The following STPG2 variants were observed in gnomAD, a reference collection of about 807,000 sequenced individuals.
The protein encoded by STPG2 is sperm-tail PG-rich repeat-containing protein 2.
In STPG2, 56 loss-of-function variants were observed where a neutral mutation model predicts 54.2. That is an observed-to-expected ratio of 1.03 (90% confidence interval 0.83 to 1.29). The LOEUF is 1.29. Among genes scored for constraint, STPG2 ranks in the 50% most tolerant of loss-of-function variants. The probability of loss-of-function intolerance (pLI) is 0.00; values close to 1 mark genes in which losing one functional copy is unlikely to be tolerated. For missense variants in STPG2, 596 were observed against 544.9 expected (o/e 1.09, Z -0.93); for synonymous variants, 200 against 181.8 (o/e 1.10, Z -0.81).
At chr4:97,649,559 G>A (rs1722007340) in intron 10 of STPG2, among the ~76,000 whole-genome samples, 1 of 152,128 alleles carries the variant, frequency 6.6e-6, no homozygotes, top group South Asian at 2.1e-4. Flanking sequence ...AGAGGGATTT[G>A]CTGGGCTTTG....
rs773320107 is a variant in STPG2, at chr4:97,840,847, A to T, written c.1130T>A (p.Leu377Ter). 6.2e-7 allele frequency: 1 copy of T among 1,612,220 alleles called. No homozygotes were observed. The highest frequency in any genetic ancestry group is 8.5e-7 in the Non-Finnish European group (1 of 1,178,688). Residue 377 changes from leucine (L) to a stop codon, truncating the protein, a stop_gained, in exon 9 of 11, where the codon TTA (leucine) becomes TAA (stop). Coordinates refer to ENST00000295268, the MANE Select transcript of STPG2 (RefSeq NM_174952.3). LOFTEE classifies it high-confidence loss of function. The stretch of plus-strand genomic sequence containing the variant: ...AGAGGCATGTTTTCTTTTAGCCACT[A>T]AACTACGAGGTGGCATATATTTATG... ...VKHKYMPPRS[L>*]VAKRKHASFL...
chr4:97,977,943 T>C (rs916707464), intron 6 of STPG2, among the ~76,000 whole-genome samples: 1 of 152,170 alleles, frequency 6.6e-6, no homozygotes, highest in African/African-American at 2.4e-5. Flanking sequence ...TGATAACTGG[T>C]ATTATGCAAT....
chr4:97,696,190 T>C (rs1057079248), intron 10 of STPG2, among the ~76,000 whole-genome samples: 2 of 151,988 alleles, frequency 1.3e-5, no homozygotes, highest in African/African-American at 4.8e-5. Context: ...GAAACATAAT[T>C]GAACATAATT....
chr4:97,476,676 T>A (rs887987522), intron 4 of STPG2, among the ~76,000 whole-genome samples: 4 of 152,182 alleles, frequency 2.6e-5, no homozygotes, highest in Non-Finnish European at 5.9e-5. Context: ...ATTGTTTTAA[T>A]GTGCTATCAA....
chr4:97,599,545 C>T (rs1421313422), intron 10 of STPG2, among the ~76,000 whole-genome samples: 3 of 152,146 alleles, frequency 2.0e-5, no homozygotes, highest in African/African-American at 4.8e-5. Context: ...ACATATAGGC[C>T]GGGTGCGGTG....
chr4:98,111,257 CA>C (rs953294835), intron 3 of STPG2, among the ~76,000 whole-genome samples: 1 of 151,840 alleles, frequency 6.6e-6, no homozygotes. Context: ...TTAACATCCC[CA>C]AAAAAACAGA....
chr4:97,709,504 T>TTG (rs58358305), intron 10 of STPG2, among the ~76,000 whole-genome samples: 88,779 of 150,918 alleles, frequency 0.59, 26,410 homozygotes, highest in South Asian at 0.68. Flanking sequence ...ATAAAATGAA[T>TTG]TGTTATTGAA....
chr4:97,849,297 G>A (rs1458013710), intron 8 of STPG2, among the ~76,000 whole-genome samples: 2 of 150,646 alleles, frequency 1.3e-5, no homozygotes, highest in African/African-American at 4.9e-5. Context: ...TTAAACGTTA[G>A]ACCTAAAACC....
intron 4 of STPG2, among the ~76,000 whole-genome samples, chr4:97,486,001 T>A (rs1730346698): frequency 6.6e-6 from 1 of 151,862 alleles, no homozygotes; most frequent in African/African-American, 2.4e-5. Flanking sequence ...TGTAGGAGAA[T>A]GAAAATGGAT....
At chr4:97,734,416 T>C (rs1455918413) in intron 9 of STPG2, among the ~76,000 whole-genome samples, 1 of 152,158 alleles carries the variant, frequency 6.6e-6, no homozygotes, top group Admixed American at 6.5e-5. Flanking sequence ...CTCTCCCTCC[T>C]CCCAACCTCC....
At chr4:98,001,925 C>T (rs1735425499) in intron 5 of STPG2, among the ~76,000 whole-genome samples, 3 of 152,104 alleles carry the variant, frequency 2.0e-5, no homozygotes, top group Admixed American at 1.3e-4. Flanking sequence ...AGATTCCCCA[C>T]TTAGCTCTTT....
At chr4:97,973,797 G>A (rs997669144) in intron 6 of STPG2, among the ~76,000 whole-genome samples, 2 of 152,220 alleles carry the variant, frequency 1.3e-5, no homozygotes, top group African/African-American at 2.4e-5. Context: ...GCTACGTATG[G>A]AAATTCCTGG....
At chr4:97,871,585 T>A (rs1729991450) in intron 8 of STPG2, among the ~76,000 whole-genome samples, 1 of 151,184 alleles carries the variant, frequency 6.6e-6, no homozygotes, top group Non-Finnish European at 1.5e-5. Flanking sequence ...AAAATACAGT[T>A]TACTAACATC....
intron 9 of STPG2, among the ~76,000 whole-genome samples, chr4:97,789,984 C>T (rs1208234302): frequency 1.3e-5 from 2 of 152,148 alleles, no homozygotes; most frequent in African/African-American, 2.4e-5. Context: ...TAAATGATGG[C>T]ACCTAATCCA....
At chr4:97,943,540 C>T (rs1023277933) in intron 8 of STPG2, among the ~76,000 whole-genome samples, 11 of 44,576 alleles carry the variant, frequency 2.5e-4, no homozygotes, top group Admixed American at 7.7e-4. Flanking sequence ...GATTTCAAGA[C>T]GAATTCCATT....
intron 8 of STPG2, among the ~76,000 whole-genome samples, chr4:97,908,688 A>C (rs1483791790): frequency 6.6e-6 from 1 of 151,906 alleles, no homozygotes; most frequent in Admixed American, 6.6e-5. Flanking sequence ...TGCAGCCATA[A>C]AAAATGATGA....
At chr4:97,939,738 T>G (rs1327674684) in intron 8 of STPG2, among the ~76,000 whole-genome samples, 1 of 152,160 alleles carries the variant, frequency 6.6e-6, no homozygotes, top group Non-Finnish European at 1.5e-5. Context: ...TACAATTGGG[T>G]CTTGCTTTTT....
At chr4:98,053,033 G>T (rs767064869) in intron 5 of STPG2, among the ~76,000 whole-genome samples, 1 of 152,058 alleles carries the variant, frequency 6.6e-6, no homozygotes, top group Non-Finnish European at 1.5e-5. Flanking sequence ...AATATAAAAG[G>T]ACTGATGAAA....
At chr4:97,934,983 T>C (rs1193588701) in intron 8 of STPG2, among the ~76,000 whole-genome samples, 1 of 152,232 alleles carries the variant, frequency 6.6e-6, no homozygotes, top group Non-Finnish European at 1.5e-5. Flanking sequence ...ATTCATCTGA[T>C]ACTGGGCGTT....
Sources: gnomAD v4.1 joint callset for allele counts (sites outside exome capture counted in the v4.1 genomes callset) on GRCh38, gnomAD v4.1.1 for gene constraint, MANE v1.5 for transcripts, NCBI Gene and HGNC (gene_info 2026-07-23, HGNC 2026-07-21) for gene names.